Variants in SPIDR observed in about 807,000 individuals in gnomAD.
SPIDR encodes scaffold protein involved in DNA repair.
In SPIDR, 93 loss-of-function variants were observed where a neutral mutation model predicts 104.6. The ratio of observed to expected loss-of-function variants is 0.89; its 90% CI spans 0.75 to 1.06. SPIDR has a LOEUF of 1.06. Ranked by LOEUF, SPIDR falls within the 50% of genes least tolerant of loss-of-function variation. The probability of loss-of-function intolerance (pLI) is 0.00; values close to 1 mark genes in which losing one functional copy is unlikely to be tolerated. For synonymous variants in SPIDR, 431 were observed against 416.9 expected (o/e 1.03, Z -0.41); for missense variants, 1,154 against 1,111.2 (o/e 1.04, Z -0.55).
At chr8:47,629,700 G>A (rs999578513) in intron 10 of SPIDR, among the ~76,000 whole-genome samples, 3 of 152,244 alleles carry the variant, frequency 2.0e-5, no homozygotes, top group African/African-American at 7.2e-5. Flanking sequence ...GTTGCAGTGA[G>A]CCGAGATCGT....
At chr8:47,529,290 C>A (rs892274154) in intron 8 of SPIDR, among the ~76,000 whole-genome samples, 5 of 151,974 alleles carry the variant, frequency 3.3e-5, no homozygotes, top group Non-Finnish European at 7.4e-5. Flanking sequence ...TGGTGACACG[C>A]ACCTGTAATC....
chr8:47,380,449 T>C (rs781801639), intron 5 of SPIDR, among the ~76,000 whole-genome samples: 1 of 152,108 alleles, frequency 6.6e-6, no homozygotes, highest in Non-Finnish European at 1.5e-5. Context: ...CTGTTTGCTG[T>C]GGAGCCCCCT....
In SPIDR at chr8:47,335,961, C is replaced by T. The variant is rs2049648151; in HGVS notation, c.525+41931C>T. On this transcript the variant is annotated intron_variant, in intron 5 of 19. Transcript: ENST00000297423. The stretch of plus-strand genomic sequence containing the variant: ...TTCTGCATTTGTCTAGCTTGCTGTT[C>T]TTAGTTTCTCGGATCTGTGTGTGGT... Among the ~76,000 whole-genome samples, 6 of 149,678 alleles carry T rather than the reference C, an allele frequency of 4.0e-5. No homozygotes were observed. In the South Asian group the frequency reaches 1.3e-3, roughly 32 times the overall value.
At chr8:47,537,840 ACC>A (rs1464664173) in intron 8 of SPIDR, among the ~76,000 whole-genome samples, 2 of 152,106 alleles carry the variant, frequency 1.3e-5, no homozygotes, top group African/African-American at 4.8e-5. Context: ...TTCTTCATAA[ACC>A]TAAAGCTACT....
intron 10 of SPIDR, among the ~76,000 whole-genome samples, chr8:47,605,730 T>A (rs2062852436): frequency 6.6e-6 from 1 of 152,148 alleles, no homozygotes; most frequent in Non-Finnish European, 1.5e-5. Context: ...ATTGGGATGA[T>A]GTATGTGAAG....
chr8:47,454,855 C>A (rs913461663), intron 8 of SPIDR, among the ~76,000 whole-genome samples: 4 of 151,492 alleles, frequency 2.6e-5, no homozygotes, highest in Non-Finnish European at 5.9e-5. Flanking sequence ...CCCTCCAGCC[C>A]AGACAACACA....
intron 5 of SPIDR, among the ~76,000 whole-genome samples, chr8:47,344,625 C>T (rs1369854351): frequency 1.3e-5 from 2 of 152,208 alleles, no homozygotes; most frequent in Non-Finnish European, 2.9e-5. Flanking sequence ...TCCTCTCCAG[C>T]ATCTGTTGTT....
At chr8:47,443,976 T>G (rs2070019791) in intron 8 of SPIDR, among the ~76,000 whole-genome samples, 1 of 152,172 alleles carries the variant, frequency 6.6e-6, no homozygotes, top group Non-Finnish European at 1.5e-5. Context: ...ATGTCTTGCC[T>G]CCAATTAATT....
At chr8:47,550,246 C>A (rs1180488702) in intron 8 of SPIDR, among the ~76,000 whole-genome samples, 1 of 152,168 alleles carries the variant, frequency 6.6e-6, no homozygotes, top group Non-Finnish European at 1.5e-5. Flanking sequence ...CTTTGCTATG[C>A]AGGCTCCTTT....
intron 11 of SPIDR, among the ~76,000 whole-genome samples, chr8:47,699,078 G>A (rs939984544): frequency 6.6e-6 from 1 of 152,114 alleles, no homozygotes; most frequent in African/African-American, 2.4e-5. Context: ...ATTTTACTCT[G>A]TTTCTTCACA....
At chr8:47,329,964 A>T (rs570741251) in intron 5 of SPIDR, among the ~76,000 whole-genome samples, 27 of 152,322 alleles carry the variant, frequency 1.8e-4, no homozygotes, top group African/African-American at 6.0e-4. Context: ...TTTTAAAATC[A>T]GCTAAGAAAA....
chr8:47,476,874 C>T (rs2076349538), intron 8 of SPIDR, among the ~76,000 whole-genome samples: 1 of 152,176 alleles, frequency 6.6e-6, no homozygotes. Context: ...AGAAAAACAG[C>T]AATATCTGGT....
chr8:47,714,008 A>G (rs550277069), intron 16 of SPIDR, among the ~76,000 whole-genome samples: 1 of 152,260 alleles, frequency 6.6e-6, no homozygotes, highest in East Asian at 1.9e-4. Context: ...ATTCCTGGGA[A>G]GAGAGCAGGA....
chr8:47,508,237 A>G (rs1476862353), intron 8 of SPIDR, among the ~76,000 whole-genome samples: 1 of 152,216 alleles, frequency 6.6e-6, no homozygotes, highest in Non-Finnish European at 1.5e-5. Flanking sequence ...GAATTGACAC[A>G]GTGCTCAGGC....
At chr8:47,462,675 G>GA (rs2154353755) in intron 8 of SPIDR, among the ~76,000 whole-genome samples, 1 of 152,244 alleles carries the variant, frequency 6.6e-6, no homozygotes, top group South Asian at 2.1e-4. Context: ...TAGAAAAAAA[G>GA]AAGAGCAAAC....
intron 10 of SPIDR, among the ~76,000 whole-genome samples, chr8:47,608,579 G>C (rs776839786): frequency 2.0e-5 from 3 of 152,130 alleles, no homozygotes; most frequent in Non-Finnish European, 4.4e-5. Context: ...AAATATACCA[G>C]GGTTCCACTT....
At chr8:47,385,574 A>G (rs782670169) in intron 5 of SPIDR, among the ~76,000 whole-genome samples, 2 of 152,188 alleles carry the variant, frequency 1.3e-5, no homozygotes. Context: ...CAGTCACAGG[A>G]ATTCACTCTT....
chr8:47,659,903 G>A (rs894081669), intron 10 of SPIDR, among the ~76,000 whole-genome samples: 6 of 152,168 alleles, frequency 3.9e-5, no homozygotes, highest in Non-Finnish European at 7.3e-5. Context: ...GGAATTCTTG[G>A]TGGACTGCTA....
chr8:47,370,740 G>T (rs562306414), intron 5 of SPIDR, among the ~76,000 whole-genome samples: 1 of 151,690 alleles, frequency 6.6e-6, no homozygotes, highest in South Asian at 2.1e-4. Context: ...ATGAGCCACC[G>T]TGCCTGGCCA....
Sources: allele counts gnomAD v4.1 joint callset (sites outside exome capture counted in the v4.1 genomes callset), GRCh38; gene constraint gnomAD v4.1.1; transcripts MANE v1.5; gene names NCBI Gene and HGNC (gene_info 2026-07-23, HGNC 2026-07-21).